Variants in MARCOL observed in about 807,000 individuals in gnomAD.
MARCOL encodes the protein MARCO like.
rs1431654892 is a variant in MARCOL at position 148,243,018 on chromosome 5, G to T, written c.622G>T (p.Gly208Cys). 2 of 397,090 alleles carry T rather than the reference G, an allele frequency of 5.0e-6. No homozygotes were observed. Among genetic ancestry groups the T allele is most frequent in the African/African-American group, 4.2e-5 (2 of 47,914 alleles). The allele number at this position is 397,090 out of a possible 1,614,324, so 24.6% of individuals were successfully genotyped here. ...CCATCAAGGGAAGCCAGAGTCATCTGGCCAACAGGGGAAGCCAGGGTCATC... is the reference window on the plus strand; with the variant it reads ...CCATCAAGGGAAGCCAGAGTCATCTTGCCAACAGGGGAAGCCAGGGTCATC... Reference protein sequence around the residue: ...SSHQGKPESSGQQGKPGSSSQ... With the variant: ...SSHQGKPESSCQQGKPGSSSQ... The change falls in exon 2 of 2, where the codon GGC becomes TGC. Residue 208 changes from glycine (G) to cysteine (C), a missense_variant. Gly to Cys is a radical substitution (Grantham distance 159, BLOSUM62 -3). Coordinates refer to ENST00000638089, the MANE Select transcript of MARCOL (RefSeq NM_001363511.2).
Position 148,243,130 on chromosome 5 carries a change from A to G in MARCOL, c.734A>G (p.His245Arg), listed in dbSNP as rs1755987277. ...CAGGGGAAGCCAGGGTTGTCTAGCC[A>G]TCAAGGGAAGCCAGGGTCATCTAGC... ...SQQGKPGLSS[H>R]QGKPGSSSQQ... The change falls in exon 2 of 2, where the codon CAT becomes CGT. Residue 245 changes from histidine to arginine, a missense_variant. Coordinates refer to ENST00000638089, the MANE Select transcript of MARCOL (RefSeq NM_001363511.2). The G allele has an allele frequency of 2.5e-6, 1 of 399,170 alleles. No homozygotes were observed. Among genetic ancestry groups the G allele is most frequent in the Non-Finnish European group, 4.4e-6 (1 of 226,902 alleles). The allele number at this position is 399,170 out of a possible 1,614,324, so 24.7% of individuals were successfully genotyped here.
chr5:148,243,292 A>G lies in MARCOL; in HGVS notation c.*38A>G. The G allele has an allele frequency of 2.5e-6, 1 of 398,532 alleles. No homozygotes were observed. The highest frequency in any genetic ancestry group is 4.4e-6 in the Non-Finnish European group (1 of 226,108). 24.7% of individuals were successfully genotyped at this position (398,532 alleles called of 1,614,324 possible). A position where few individuals can be genotyped will look rare whatever the true frequency, so the allele number is the denominator to read the frequency against. On this transcript the variant is annotated 3_prime_UTR_variant, in exon 2 of 2. Transcript: ENST00000638089. ...CAAGGGAATATAGGATCTCCTAGCC[A>G]ACAGGAGAAGCCAGAGTCTTCTAGC...
intron 1 of MARCOL, among the ~76,000 whole-genome samples, chr5:148,240,680 C>A (rs944559849): frequency 3.3e-5 from 5 of 151,846 alleles, no homozygotes; most frequent in Admixed American, 3.3e-4. Flanking sequence ...ATTTCTTCCA[C>A]ATATCTACTT....
chr5:148,238,592 G>C lies in MARCOL; in HGVS notation c.-6G>C, dbSNP rs928445878. 6 of 397,998 alleles carry C rather than the reference G, an allele frequency of 1.5e-5. No individual in the cohort carries two copies. Among genetic ancestry groups the C allele is most frequent in the Non-Finnish European group, 2.7e-5 (6 of 225,418 alleles). 24.7% of individuals were successfully genotyped at this position (397,998 alleles called of 1,614,324 possible). On this transcript the variant is annotated 5_prime_UTR_variant, in exon 1 of 2. Coordinates refer to ENST00000638089, the MANE Select transcript of MARCOL (RefSeq NM_001363511.2). ...AACAGCCAAGTCTGAAACCACTGAC[G>C]GTACCATGAGGGCTTTCATTTTCTT...
chr5:148,242,364 C>T (rs1755975462), intron 1 of MARCOL, 82 bp from the exon 2 acceptor site: 1 of 395,688 alleles, frequency 2.5e-6, no homozygotes, highest in Non-Finnish European at 4.5e-6. Flanking sequence ...CATACTATAT[C>T]TTGGACAAAT....
rs566495125 is a variant in MARCOL at position 148,242,543 on chromosome 5, A to G, written c.147A>G (p.Leu49=). ...AGGAAAAAAATGAAGCTAACCATCT[A>G]GGAGGACAAAGAGATTCTAATAAGC... ...ILEEKNEANH[L]GGQRDSNKQG... is the part of the protein sequence containing the mutation. Residue 49 remains leucine (L), a synonymous_variant, in exon 2 of 2, where the codon CTA becomes CTG. Transcript: ENST00000638089. 86 of 398,358 alleles carry G rather than the reference A, an allele frequency of 2.2e-4. No individual in the cohort carries two copies. The highest frequency in any genetic ancestry group is 1.6e-3 in the African/African-American group (76 of 48,710). The allele number at this position is 398,358 out of a possible 1,614,324, so 24.7% of individuals were successfully genotyped here. A position where few individuals can be genotyped will look rare whatever the true frequency, so the allele number is the denominator to read the frequency against.
At chr5:148,241,656 A>G (rs749366200) in intron 1 of MARCOL, among the ~76,000 whole-genome samples, 27 of 152,098 alleles carry the variant, frequency 1.8e-4, no homozygotes, top group Non-Finnish European at 3.2e-4. Flanking sequence ...CTGAAAAAAC[A>G]TAAAACATAT....
intron 1 of MARCOL, among the ~76,000 whole-genome samples, chr5:148,239,876 T>C (rs1755945772): frequency 6.6e-6 from 1 of 151,826 alleles, no homozygotes; most frequent in African/African-American, 2.4e-5. Flanking sequence ...TGATTATATA[T>C]ATTGGAAGAT....
intron 1 of MARCOL, 98 bp from the exon 2 acceptor site, chr5:148,242,348 T>A: frequency 2.5e-6 from 1 of 394,720 alleles, no homozygotes; most frequent in Non-Finnish European, 4.5e-6. Flanking sequence ...AAGAAAGCAT[T>A]AAAAACATAC....
At chr5:148,239,011 A>G (rs906334384) in intron 1 of MARCOL, among the ~76,000 whole-genome samples, 5 of 152,144 alleles carry the variant, frequency 3.3e-5, no homozygotes, top group African/African-American at 1.2e-4. Context: ...ACATGGTCAA[A>G]TAATAATGTG....
At position 148,238,656 on chromosome 5, in the gene MARCOL, T is replaced by A. The variant is rs1755931970; in HGVS notation, c.49+10T>A. 1 of 398,188 alleles carries A rather than the reference T, an allele frequency of 2.5e-6. No homozygotes were observed. Among genetic ancestry groups the A allele is most frequent in the East Asian group, 3.6e-5 (1 of 28,062 alleles). The allele number at this position is 398,188 out of a possible 1,614,324, so 24.7% of individuals were successfully genotyped here. The stretch of plus-strand genomic sequence containing the variant: ...CTGGCCATGTTCTCAGGTAAGAAAG[T>A]CACAGTCAATAGCTTTCCTTCCAAA... On this transcript the variant is annotated intron_variant, in intron 1 of 1. Coordinates refer to ENST00000638089, the MANE Select transcript of MARCOL (RefSeq NM_001363511.2).
chr5:148,238,540 A>G lies in MARCOL; in HGVS notation c.-58A>G, dbSNP rs1372319690. ...AGCATGGTTTATTTGAAGAGCACCT[A>G]CTGCAGAGTTAGGCTTAACTCCACC... On this transcript the variant is annotated 5_prime_UTR_variant, in exon 1 of 2. Transcript: ENST00000638089. 2.5e-6 allele frequency: 1 copy of G among 397,606 alleles called. No homozygotes were observed. Among genetic ancestry groups the G allele is most frequent in the Admixed American group, 4.4e-5 (1 of 22,630 alleles). 24.6% of individuals were successfully genotyped at this position (397,606 alleles called of 1,614,324 possible).
Position 148,242,790 on chromosome 5 carries a change from C to A in MARCOL, c.394C>A (p.Pro132Thr). 1 of 398,476 alleles carries A rather than the reference C, an allele frequency of 2.5e-6. No individual in the cohort carries two copies. 24.7% of individuals were successfully genotyped at this position (398,476 alleles called of 1,614,324 possible). The change falls in exon 2 of 2, where the codon CCA (proline) becomes ACA (threonine). Residue 132 changes from proline to threonine, a missense_variant. Physicochemically the swap from Pro to Thr is conservative, Grantham distance 38 (BLOSUM62 -1). Transcript: ENST00000638089. ...NSGSSSQLGR[P>T]GISTQQGNPG... ...AGGATCTTCTAGCCAACTAGGGAGA[C>A]CAGGGATTTCTACCCAACAGGGAAA...
At chr5:148,241,592 G>C (rs1432696) in intron 1 of MARCOL, among the ~76,000 whole-genome samples, 117,876 of 150,026 alleles carry the variant, frequency 0.79, 49,510 homozygotes, top group Middle Eastern at 0.94. Context: ...GCTCTACAGT[G>C]ATTCCATTTG....
In MARCOL at chr5:148,239,998, G is replaced by C. The variant is rs190221111; in HGVS notation, c.49+1352G>C. Among the ~76,000 whole-genome samples the C allele has an allele frequency of 3.3e-5, 5 of 151,884 alleles. No individual in the cohort carries two copies. In the East Asian group the frequency reaches 9.6e-4, roughly 29 times the overall value. ...AAGATACTTATTTTCCAAGTTTTTAGCTTAAAAAATAGATGGTGAAACCAC... is the reference window on the plus strand; with the variant it reads ...AAGATACTTATTTTCCAAGTTTTTACCTTAAAAAATAGATGGTGAAACCAC... On this transcript the variant is annotated intron_variant, in intron 1 of 1. Transcript: ENST00000638089.
chr5:148,242,849 G>A lies in MARCOL; in HGVS notation c.453G>A (p.Gly151=), dbSNP rs1211161893. ...CATCTGACCAACAAGAGAAACCAGG[G>A]TCATTTAGCCAGAAAGTGATGGTGG... ...PGSSDQQEKP[G]SFSQKVMVGS... is the part of the protein sequence containing the mutation. The change falls in exon 2 of 2, where the codon GGG becomes GGA. Residue 151 remains glycine, a synonymous_variant. Coordinates refer to ENST00000638089, the MANE Select transcript of MARCOL (RefSeq NM_001363511.2). 1.0e-5 allele frequency: 4 copies of A among 398,646 alleles called. No individual in the cohort carries two copies. Among genetic ancestry groups the A allele is most frequent in the East Asian group, 3.6e-5 (1 of 28,076 alleles). 24.7% of individuals were successfully genotyped at this position (398,646 alleles called of 1,614,324 possible).
At chr5:148,241,403 T>C (rs990554995) in intron 1 of MARCOL, among the ~76,000 whole-genome samples, 8 of 146,562 alleles carry the variant, frequency 5.5e-5, no homozygotes, top group African/African-American at 2.0e-4. Flanking sequence ...AAAAAACCTA[T>C]GCAGAAAACA....
chr5:148,240,289 T>C (rs909251177), intron 1 of MARCOL, among the ~76,000 whole-genome samples: 7 of 151,944 alleles, frequency 4.6e-5, no homozygotes, highest in African/African-American at 1.7e-4. Flanking sequence ...TAGTGAAATC[T>C]TCATTATATT....
chr5:148,241,761 C>A (rs1372795782), intron 1 of MARCOL, among the ~76,000 whole-genome samples: 1 of 151,908 alleles, frequency 6.6e-6, no homozygotes, highest in South Asian at 2.1e-4. Flanking sequence ...AAGAAATAAT[C>A]GTGATATTTA....
Sources: allele counts gnomAD v4.1 joint callset (sites outside exome capture counted in the v4.1 genomes callset), GRCh38; gene constraint gnomAD v4.1.1; transcripts MANE v1.5; gene names NCBI Gene and HGNC (gene_info 2026-07-23, HGNC 2026-07-21).